Variants in ZBED6 observed in about 807,000 individuals in gnomAD.
The protein encoded by ZBED6 is zinc finger BED domain-containing protein 6.
In ZBED6, 40 loss-of-function variants were observed where a neutral mutation model predicts 58.4. The observed-to-expected ratio is 0.68, with a 90% CI of 0.53 to 0.89. The LOEUF (loss-of-function observed/expected upper bound fraction) is 0.89. Among genes scored for constraint, ZBED6 ranks in the 40% least tolerant of loss-of-function variants. The probability of loss-of-function intolerance (pLI) is 0.00; values close to 1 mark genes in which losing one functional copy is unlikely to be tolerated. For missense variants in ZBED6, 1,057 were observed against 1,003.9 expected (o/e 1.05, Z -0.71); for synonymous variants, 439 against 350.6 (o/e 1.25, Z -2.82).
intron 1 of ZBED6, among the ~76,000 whole-genome samples, chr1:203,816,475 A>G (rs1016873112): frequency 3.3e-5 from 5 of 152,062 alleles, no homozygotes; most frequent in Admixed American, 6.6e-5. Context: ...ATTTTTTTTA[A>G]AAAATTAGCT....
At chr1:203,833,846 T>C in exon 9 of ZBED6, 1 of 1,610,238 alleles carries the variant, frequency 6.2e-7, no homozygotes, top group East Asian at 2.2e-5. Context: ...AACGAAAATT[T>C]TCAGCAGGTA....
In ZBED6 at chr1:203,854,121, A is replaced by G. The variant is rs1182132404; in HGVS notation, c.*6854A>G. On this transcript the variant is annotated 3_prime_UTR_variant, in exon 17 of 17. Transcript: ENST00000550078. The stretch of plus-strand genomic sequence containing the variant: ...GTTTTAAATAAAACTGATGTAGGAA[A>G]GTCTTGATGTTGTGAGCTAAGTAAT... 3.9e-5 allele frequency: 6 copies of G among 152,630 alleles called. No individual in the cohort carries two copies. In the East Asian group the frequency reaches 9.6e-4, roughly 24 times the overall value. 9.5% of individuals were successfully genotyped at this position (152,630 alleles called of 1,614,324 possible).
rs556263531 is a variant in ZBED6, at chr1:203,797,513, CATAAAG to C, written c.-8_-3del. 6.5e-5 allele frequency: 96 copies of C among 1,485,496 alleles called. No individual in the cohort carries two copies. The African/African-American group carries it at 1.2e-3, about 18-fold the overall frequency. The allele number at this position is 1,485,496 out of a possible 1,614,324, so 92.0% of individuals were successfully genotyped here. The stretch of plus-strand genomic sequence containing the variant: ...CAGATTCTGGTACGAATTGTGGAGA[CATAAAG>C]AGAATGAGTGTATGTACTCTAAGTG... On this transcript the variant is annotated 5_prime_UTR_variant, in exon 1 of 17. Transcript: ENST00000550078.
At chr1:203,805,540 A>T in intron 1 of ZBED6, 1 of 558,710 alleles carries the variant, frequency 1.8e-6, no homozygotes, top group Non-Finnish European at 3.6e-6. Flanking sequence ...ACAGAAACGT[A>T]TCTGTTACGG....
intron 3 of ZBED6, among the ~76,000 whole-genome samples, chr1:203,824,496 A>G (rs1010449784): frequency 4.3e-4 from 65 of 152,278 alleles, no homozygotes; most frequent in African/African-American, 1.5e-3. Flanking sequence ...GCTAAAATTT[A>G]TAACCCCCAA....
At chr1:203,821,907 G>A (rs1051609871) in intron 3 of ZBED6, among the ~76,000 whole-genome samples, 2 of 151,850 alleles carry the variant, frequency 1.3e-5, no homozygotes, top group Non-Finnish European at 2.9e-5. Flanking sequence ...ACAGGTGCCC[G>A]CCACCACGCC....
intron 7 of ZBED6, 42 bp downstream of exon 7, chr1:203,830,245 G>T: frequency 6.8e-7 from 1 of 1,481,104 alleles, no homozygotes; most frequent in South Asian, 1.2e-5. Flanking sequence ...TATGTTGCTA[G>T]GGAAGAATAC....
intron 3 of ZBED6, among the ~76,000 whole-genome samples, chr1:203,821,221 T>A (rs968459364): frequency 6.6e-6 from 1 of 152,130 alleles, no homozygotes; most frequent in Admixed American, 6.6e-5. Context: ...CATGTAAGAC[T>A]TGTTTGTGTC....
chr1:203,826,379 T>A (rs1446605947), intron 3 of ZBED6, among the ~76,000 whole-genome samples: 1 of 134,118 alleles, frequency 7.5e-6, no homozygotes, highest in Non-Finnish European at 1.5e-5. Flanking sequence ...TGATTAATAA[T>A]AATTAATTCT....
chr1:203,851,560 C>A (rs891725687), intron 16 of ZBED6, among the ~76,000 whole-genome samples: 2 of 152,104 alleles, frequency 1.3e-5, no homozygotes, highest in African/African-American at 2.4e-5. Flanking sequence ...AAACTCCTGA[C>A]GTCAAGTGAT....
chr1:203,849,421 G>A (rs11240602), intron 13 of ZBED6, among the ~76,000 whole-genome samples: 9,142 of 152,110 alleles, frequency 0.06, 814 homozygotes, highest in East Asian at 0.4. Flanking sequence ...TAATATATTT[G>A]TACATAAATC....
intron 1 of ZBED6, among the ~76,000 whole-genome samples, chr1:203,804,040 CTATT>C (rs1204129011): frequency 5.3e-5 from 8 of 151,948 alleles, no homozygotes; most frequent in African/African-American, 1.7e-4. Context: ...CTTTAATCCT[CTATT>C]TATTCATTAT....
rs1385360648 is a variant in ZBED6 at position 203,829,349 on chromosome 1, C to T, written c.*2998-102C>T. 7.6e-6 allele frequency: 9 copies of T among 1,176,546 alleles called. No individual in the cohort carries two copies. The South Asian group carries it at 8.2e-5, about 11-fold the overall frequency. The allele number at this position is 1,176,546 out of a possible 1,614,324, so 72.9% of individuals were successfully genotyped here. Reference sequence around the variant, plus strand: ...AATGAGGAAATTTAGTATAAATGCTCATAAGACAAATACACTATAGTTTTC... The same window carrying T: ...AATGAGGAAATTTAGTATAAATGCTTATAAGACAAATACACTATAGTTTTC... On this transcript the variant is annotated intron_variant, in intron 4 of 16. Coordinates refer to ENST00000550078, the Ensembl canonical transcript of ZBED6.
At chr1:203,819,358 A>T (rs1392952543) in intron 3 of ZBED6, among the ~76,000 whole-genome samples, 1 of 148,986 alleles carries the variant, frequency 6.7e-6, no homozygotes, top group Non-Finnish European at 1.5e-5. Flanking sequence ...AGTAGCTGGG[A>T]TTACAGGCAC....
At chr1:203,800,290 G>C (rs1281605597) in exon 1 of ZBED6, 3 of 952,328 alleles carry the variant, frequency 3.2e-6, no homozygotes, top group Non-Finnish European at 4.9e-6. Context: ...ACTAAAAATA[G>C]CCACTTTCAT....
At chr1:203,817,719 TAAAA>T (rs1177121839) in intron 2 of ZBED6, among the ~76,000 whole-genome samples, 1 of 152,130 alleles carries the variant, frequency 6.6e-6, no homozygotes, top group Non-Finnish European at 1.5e-5. Context: ...ACGTATATGT[TAAAA>T]AAATTTGTTC....
chr1:203,799,677 C>G (rs563026647), exon 1 of ZBED6: 1 of 707,612 alleles, frequency 1.4e-6, no homozygotes, highest in Non-Finnish European at 2.6e-6. Context: ...AATCCATCAT[C>G]TACTCCTTTC....
At chr1:203,849,190 C>T (rs569425647) in intron 13 of ZBED6, among the ~76,000 whole-genome samples, 8 of 152,254 alleles carry the variant, frequency 5.3e-5, no homozygotes, top group Admixed American at 1.3e-4. Flanking sequence ...TGGCCTTCTT[C>T]GACCTTTTTG....
At position 203,831,641 on chromosome 1, in the gene ZBED6, C is replaced by T. The variant is rs1337412691; in HGVS notation, c.*3400-20C>T. On this transcript the variant is annotated intron_variant, in intron 7 of 16. Coordinates refer to ENST00000550078, the Ensembl canonical transcript of ZBED6. ...TATTTTCCATAAATTATTTGCTGTT[C>T]TTTGACTTGCCTTATTCAGAGGGTT... The T allele has an allele frequency of 3.1e-6, 5 of 1,598,740 alleles. No homozygotes were observed. Among genetic ancestry groups the T allele is most frequent in the African/African-American group, 1.3e-5 (1 of 74,660 alleles).
Sources: gnomAD v4.1 joint callset for allele counts (sites outside exome capture counted in the v4.1 genomes callset) on GRCh38, gnomAD v4.1.1 for gene constraint, MANE v1.5 for transcripts, NCBI Gene and HGNC (gene_info 2026-07-23, HGNC 2026-07-21) for gene names.